Variants in NRXN1 observed in about 807,000 individuals in gnomAD.
NRXN1 encodes the protein neurexin-1.
NRXN1 carries 39 observed loss-of-function variants against 150.9 expected under a neutral mutation model. The ratio of observed to expected loss-of-function variants is 0.26; its 90% confidence interval spans 0.20 to 0.34. The LOEUF (loss-of-function observed/expected upper bound fraction) is 0.34. Among genes scored for constraint, NRXN1 ranks in the 10% least tolerant of loss-of-function variants. The probability of loss-of-function intolerance (pLI) is 1.00; values close to 1 mark genes in which losing one functional copy is unlikely to be tolerated. For synonymous variants in NRXN1, 924 were observed against 757.0 expected, an observed-to-expected ratio of 1.22 and a Z score of -3.62; for missense variants, 1,815 against 1,949.9, an observed-to-expected ratio of 0.93 and a Z score of 1.30.
intron 2 of NRXN1, among the ~76,000 whole-genome samples, chr2:51,020,676 G>C (rs111670390): frequency 6.6e-6 from 1 of 151,960 alleles, no homozygotes; most frequent in African/African-American, 2.4e-5. Context: ...TTAGTAGTCT[G>C]ATTAGGTGGT....
chr2:50,779,976 T>G (rs1704151370), intron 5 of NRXN1, among the ~76,000 whole-genome samples: 1 of 152,130 alleles, frequency 6.6e-6, no homozygotes, highest in African/African-American at 2.4e-5. Context: ...TAATTTACAC[T>G]CCCACCAACA....
chr2:50,279,597 CAT>C (rs1452957886), intron 17 of NRXN1, among the ~76,000 whole-genome samples: 3 of 152,018 alleles, frequency 2.0e-5, no homozygotes, highest in African/African-American at 7.2e-5. Flanking sequence ...ACATAAATAA[CAT>C]ATCAAACAAC....
chr2:50,599,619 C>T (rs920674505), intron 8 of NRXN1, among the ~76,000 whole-genome samples: 1 of 152,074 alleles, frequency 6.6e-6, no homozygotes, highest in Admixed American at 6.5e-5. Flanking sequence ...GGGAAACATG[C>T]TTTACTGAAA....
At chr2:50,657,899 C>G (rs970832263) in intron 5 of NRXN1, among the ~76,000 whole-genome samples, 2 of 151,854 alleles carry the variant, frequency 1.3e-5, no homozygotes, top group African/African-American at 4.8e-5. Context: ...ACTAGTAAAC[C>G]ATGTTATTAG....
At chr2:50,479,288 C>T (rs913107504) in intron 15 of NRXN1, among the ~76,000 whole-genome samples, 4 of 152,140 alleles carry the variant, frequency 2.6e-5, no homozygotes, top group African/African-American at 9.7e-5. Context: ...TTGTGGTATA[C>T]AATACTTCCA....
chr2:50,101,686 C>T (rs1700996863), intron 18 of NRXN1, among the ~76,000 whole-genome samples: 1 of 152,042 alleles, frequency 6.6e-6, no homozygotes, highest in Non-Finnish European at 1.5e-5. Flanking sequence ...TAATTATTTT[C>T]AGTGCTTCCA....
intron 5 of NRXN1, among the ~76,000 whole-genome samples, chr2:50,671,191 A>G (rs1301776501): frequency 6.6e-6 from 1 of 151,812 alleles, no homozygotes; most frequent in Non-Finnish European, 1.5e-5. Context: ...AATGCAAACA[A>G]ATGTTAGAGA....
intron 17 of NRXN1, among the ~76,000 whole-genome samples, chr2:50,445,372 T>A (rs2086309344): frequency 6.6e-6 from 1 of 152,226 alleles, no homozygotes; most frequent in African/African-American, 2.4e-5. Context: ...ATGTAGATAG[T>A]CAATAGCTTT....
In NRXN1 at chr2:49,954,672, A is replaced by C. The variant is rs373239124; in HGVS notation, c.4129-10881T>G. ...TAGGAGTGGTTGTATTTGTAGTTAT[A>C]ATATGACTTTACCTATGGTTTGTCT... is the stretch of plus-strand genomic sequence containing the variant. On this transcript the variant is annotated intron_variant, in intron 21 of 22. Transcript: ENST00000401669. Among the ~76,000 whole-genome samples the C allele has an allele frequency of 2.3e-4, 35 of 152,282 alleles. 1 individual carries two copies. Among genetic ancestry groups the C allele is most frequent in the African/African-American group, 8.4e-4 (35 of 41,580 alleles).
intron 18 of NRXN1, among the ~76,000 whole-genome samples, chr2:50,109,576 C>G (rs141494877): frequency 6.6e-6 from 1 of 150,498 alleles, no homozygotes; most frequent in Admixed American, 6.6e-5. Context: ...GACACTGACA[C>G]GTTTTAAAGG....
At chr2:50,227,485 G>A (rs909692268) in intron 18 of NRXN1, among the ~76,000 whole-genome samples, 1 of 151,926 alleles carries the variant, frequency 6.6e-6, no homozygotes, top group Admixed American at 6.6e-5. Flanking sequence ...ACCAGGATTT[G>A]TGCTTTTTTT....
chr2:49,922,232 G>A lies in NRXN1; in HGVS notation c.4236C>T (p.Gly1412=), dbSNP rs587781101. 48 of 1,613,762 alleles carry A rather than the reference G, an allele frequency of 3.0e-5. 1 individual carries two copies. Among genetic ancestry groups the A allele is most frequent in the Middle Eastern group, 3.3e-4 (2 of 6,084 alleles). ...SGGLANPTRA[G]GREPYPGSAE... ...CTGAGCCTGGATACGGCTCTCTGCC[G>A]CCTGCTCGGGTTGGGTTGGCTATAG... The change falls in exon 23 of 23, where the codon GGC becomes GGT. Residue 1412 remains glycine, a synonymous_variant. Transcript: ENST00000401669.
intron 18 of NRXN1, among the ~76,000 whole-genome samples, chr2:50,182,080 A>G (rs2060759301): frequency 6.7e-6 from 1 of 148,920 alleles, no homozygotes; most frequent in South Asian, 2.1e-4. Context: ...AATATTTTTC[A>G]TTGGTTACTA....
In NRXN1 at chr2:50,068,296, A is replaced by G. The variant is rs187622315; in HGVS notation, c.3719-13252T>C. Among the ~76,000 whole-genome samples, 5 of 152,308 alleles carry G rather than the reference A, an allele frequency of 3.3e-5. No homozygotes were observed. In the East Asian group the frequency reaches 7.7e-4, roughly 24 times the overall value. On this transcript the variant is annotated intron_variant, in intron 19 of 22. Transcript: ENST00000401669. ...GCTGGATAATTGCTAGCCCCATTCA[A>G]TTTTATAAAATGTAAAACCACTGAA...
intron 17 of NRXN1, among the ~76,000 whole-genome samples, chr2:50,336,086 G>C (rs1367552498): frequency 6.6e-6 from 1 of 152,186 alleles, no homozygotes; most frequent in Non-Finnish European, 1.5e-5. Flanking sequence ...CCCAAGGTCA[G>C]ATAGTTAGTA....
Position 50,485,975 on chromosome 2 carries a change from G to C in NRXN1, c.3070+9930C>G, listed in dbSNP as rs117699010. ...CAGCCTCAATTCTGAGCTTTGATTA[G>C]TAACTCAGATTGGTGGTTTGTAATT... On this transcript the variant is annotated intron_variant, in intron 15 of 22. Coordinates refer to ENST00000401669, the MANE Select transcript of NRXN1 (RefSeq NM_001330078.2). Among the ~76,000 whole-genome samples, 3 of 152,294 alleles carry C rather than the reference G, an allele frequency of 2.0e-5. No homozygotes were observed. In the East Asian group the frequency reaches 5.8e-4, roughly 29 times the overall value.
At chr2:50,147,329 T>G (rs1558974204) in intron 18 of NRXN1, among the ~76,000 whole-genome samples, 1 of 151,774 alleles carries the variant, frequency 6.6e-6, no homozygotes, top group South Asian at 2.1e-4. Flanking sequence ...TTTATCTGTA[T>G]AGCCAGAGTC....
chr2:50,158,102 T>A, intron 18 of NRXN1, among the ~76,000 whole-genome samples: 1 of 142,194 alleles, frequency 7.0e-6, no homozygotes, highest in African/African-American at 2.7e-5. Context: ...TGTGTGTGTG[T>A]GTGTGTAGGG....
At position 50,783,881 on chromosome 2, in the gene NRXN1, G is replaced by C. The variant is rs576837727; in HGVS notation, c.832+137988C>G. On this transcript the variant is annotated intron_variant, in intron 5 of 22. Transcript: ENST00000401669. Reference sequence around the variant, plus strand: ...TTGGTAAGAAAGCTGATAGTAAACCGTGTCTTCTCCTTATTCCTGACCCTG... The same window carrying C: ...TTGGTAAGAAAGCTGATAGTAAACCCTGTCTTCTCCTTATTCCTGACCCTG... 1.2e-4 allele frequency among the ~76,000 whole-genome samples: 18 copies of C among 152,160 alleles called. No individual in the cohort carries two copies. In the South Asian group the frequency reaches 3.5e-3, roughly 30 times the overall value.
Sources: gnomAD v4.1 joint callset for allele counts (sites outside exome capture counted in the v4.1 genomes callset) on GRCh38, gnomAD v4.1.1 for gene constraint, MANE v1.5 for transcripts, NCBI Gene and HGNC (gene_info 2026-07-23, HGNC 2026-07-21) for gene names.